The following CCR5AS variants were observed in gnomAD, a reference collection of about 807,000 sequenced individuals.
CCR5AS encodes CCR5 antisense RNA.
intron 2 of CCR5AS, among the ~76,000 whole-genome samples, chr3:46,376,930 T>C (rs1701767160): frequency 6.6e-6 from 1 of 152,158 alleles, no homozygotes; most frequent in Non-Finnish European, 1.5e-5. Context: ...ACAGAACAGC[T>C]TGATCTGACT....
chr3:46,376,463 G>A (rs1311840034), intron 2 of CCR5AS, among the ~76,000 whole-genome samples: 1 of 152,112 alleles, frequency 6.6e-6, no homozygotes, highest in Non-Finnish European at 1.5e-5. Flanking sequence ...TGGTTGCTGA[G>A]CAATTGACTT....
intron 1 of CCR5AS, among the ~76,000 whole-genome samples, chr3:46,396,012 G>A (rs941372450): frequency 2.0e-5 from 3 of 152,302 alleles, no homozygotes; most frequent in South Asian, 2.1e-4. Flanking sequence ...TGGGGGAGAC[G>A]TGAGCAGGAA....
intron 2 of CCR5AS, chr3:46,372,960 T>C: frequency 6.2e-7 from 1 of 1,612,830 alleles, no homozygotes; most frequent in South Asian, 1.1e-5. Context: ...ATCGGAGCCC[T>C]GCCAAAAAAT....
chr3:46,387,297 C>A (rs1701870085), intron 2 of CCR5AS, among the ~76,000 whole-genome samples: 1 of 152,194 alleles, frequency 6.6e-6, no homozygotes, highest in Non-Finnish European at 1.5e-5. Flanking sequence ...CATCACAGAA[C>A]TGCCCTGGGT....
At chr3:46,372,300 G>A (rs1013363094) in intron 2 of CCR5AS, among the ~76,000 whole-genome samples, 1 of 152,174 alleles carries the variant, frequency 6.6e-6, no homozygotes, top group Admixed American at 6.5e-5. Flanking sequence ...GGAGGCTGAG[G>A]CAGGAGGATC....
chr3:46,372,932 T>C, intron 2 of CCR5AS: 1 of 1,602,026 alleles, frequency 6.2e-7, no homozygotes, highest in Non-Finnish European at 8.5e-7. Flanking sequence ...GTCCAATCTA[T>C]GACATCAATT....
intron 1 of CCR5AS, among the ~76,000 whole-genome samples, chr3:46,405,835 T>C (rs186034867): frequency 1.1e-3 from 164 of 152,086 alleles, no homozygotes; most frequent in Non-Finnish European, 1.9e-3. Flanking sequence ...TCTTAATAGT[T>C]CTCTCTCCTC....
At chr3:46,369,776 A>G (rs1202188435) in intron 3 of CCR5AS, among the ~76,000 whole-genome samples, 1 of 152,140 alleles carries the variant, frequency 6.6e-6, no homozygotes, top group Non-Finnish European at 1.5e-5. Context: ...CAATACCCAG[A>G]CGAGAAAGCT....
chr3:46,393,486 G>A (rs936089417), intron 1 of CCR5AS, among the ~76,000 whole-genome samples: 152 of 135,790 alleles, frequency 1.1e-3, no homozygotes, highest in South Asian at 1.8e-3. Flanking sequence ...GAAAAGAAAA[G>A]AAAAAAAAAG....
intron 2 of CCR5AS, among the ~76,000 whole-genome samples, chr3:46,389,561 T>C (rs1421111607): frequency 2.0e-5 from 3 of 152,206 alleles, no homozygotes; most frequent in Non-Finnish European, 4.4e-5. Context: ...GCCTGGATCC[T>C]GTGTGAGGAC....
chr3:46,379,921 TAA>T (rs1701802294), intron 2 of CCR5AS, among the ~76,000 whole-genome samples: 1 of 151,082 alleles, frequency 6.6e-6, no homozygotes, highest in African/African-American at 2.4e-5. Context: ...AATAAATAAA[TAA>T]ATAAATAAAT....
chr3:46,379,956 C>T (rs530218945), intron 2 of CCR5AS, among the ~76,000 whole-genome samples: 3 of 152,144 alleles, frequency 2.0e-5, no homozygotes, highest in Non-Finnish European at 2.9e-5. Flanking sequence ...CACTGCTTTG[C>T]TTTTGGAGCA....
chr3:46,383,257 T>C (rs1701831083), intron 2 of CCR5AS, among the ~76,000 whole-genome samples: 1 of 152,198 alleles, frequency 6.6e-6, no homozygotes, highest in South Asian at 2.1e-4. Flanking sequence ...CTGTAGCTCC[T>C]TTTGAAAGCC....
chr3:46,372,728 T>C, intron 2 of CCR5AS: 1 of 526,682 alleles, frequency 1.9e-6, no homozygotes, highest in Non-Finnish European at 3.3e-6. Flanking sequence ...AAACCTTCCC[T>C]TCACTACAAA....
intron 1 of CCR5AS, among the ~76,000 whole-genome samples, chr3:46,396,993 C>CT (rs1476161812): frequency 6.6e-6 from 1 of 152,218 alleles, no homozygotes; most frequent in Non-Finnish European, 1.5e-5. Flanking sequence ...ATCACTCTCT[C>CT]TTTTCTTGCC....
chr3:46,402,660 A>G (rs1702013716), intron 1 of CCR5AS, among the ~76,000 whole-genome samples: 1 of 152,252 alleles, frequency 6.6e-6, no homozygotes, highest in Non-Finnish European at 1.5e-5. Context: ...TTAAATTATC[A>G]TCAGTCTAAA....
At chr3:46,405,734 T>C (rs1702038679) in intron 1 of CCR5AS, among the ~76,000 whole-genome samples, 1 of 152,184 alleles carries the variant, frequency 6.6e-6, no homozygotes, top group South Asian at 2.1e-4. Flanking sequence ...CATCATTGTG[T>C]TTCTCTTTCT....
Position 46,373,923 on chromosome 3 carries a change from C to T in CCR5AS, n.392-2506G>A, listed in dbSNP as rs543680286. The T allele has an allele frequency of 3.2e-5, 51 of 1,590,298 alleles. No homozygotes were observed. The Admixed American group carries it at 4.8e-4, about 15-fold the overall frequency. ...CGAGCGAGCAAGCTCAGTTTACACC[C>T]GATCCACTGGGGAGCAGGAAATATC... On this transcript the variant is annotated intron_variant and non_coding_transcript_variant, in intron 2 of 3. Coordinates refer to ENST00000451485, the Ensembl canonical transcript of CCR5AS.
intron 3 of CCR5AS, among the ~76,000 whole-genome samples, chr3:46,366,650 A>G (rs896371350): frequency 6.6e-6 from 1 of 152,224 alleles, no homozygotes; most frequent in Admixed American, 6.5e-5. Context: ...AAAGGTCTAC[A>G]GGACAGAGGC....
Sources: gnomAD v4.1 joint callset for allele counts (sites outside exome capture counted in the v4.1 genomes callset) on GRCh38, gnomAD v4.1.1 for gene constraint, MANE v1.5 for transcripts, NCBI Gene and HGNC (gene_info 2026-07-23, HGNC 2026-07-21) for gene names.